The following ARIH1 variants were observed in gnomAD, a reference collection of about 807,000 sequenced individuals.
ARIH1 encodes the protein ariadne RBR E3 ubiquitin protein ligase 1, also known as E3 ubiquitin-protein ligase ARIH1.
ARIH1 carries 8 observed loss-of-function variants against 85.0 expected under a neutral mutation model. The ratio of observed to expected loss-of-function variants is 0.09; its 90% confidence interval spans 0.06 to 0.17. The LOEUF is 0.17. Among genes scored for constraint, ARIH1 ranks in the 10% least tolerant of loss-of-function variants. The probability of loss-of-function intolerance (pLI) is 1.00; values close to 1 mark genes in which losing one functional copy is unlikely to be tolerated. For synonymous variants in ARIH1, 238 were observed against 253.6 expected (o/e 0.94, Z 0.59); for missense variants, 311 against 718.1 (o/e 0.43, Z 6.48).
At chr15:72,503,180 G>A (rs769193967) in intron 1 of ARIH1, among the ~76,000 whole-genome samples, 2 of 152,170 alleles carry the variant, frequency 1.3e-5, no homozygotes, top group Non-Finnish European at 2.9e-5. Flanking sequence ...TAATATATAT[G>A]TGGGAGATTT....
At position 72,587,386 on chromosome 15, in the gene ARIH1, T is replaced by C; in HGVS notation, c.*4094T>C. On this transcript the variant is annotated 3_prime_UTR_variant, in exon 14 of 14. Coordinates refer to ENST00000379887, the MANE Select transcript of ARIH1 (RefSeq NM_005744.5). ...TACTGTTAGAGGTTGCTCTATACTA[T>C]CTCTGATCTTTCATTTGTTGCAGTT... 1 of 379,586 alleles carries C rather than the reference T, an allele frequency of 2.6e-6. No individual in the cohort carries two copies. The highest frequency in any genetic ancestry group is 3.6e-5 in the Admixed American group (1 of 27,936). 23.5% of individuals were successfully genotyped at this position (379,586 alleles called of 1,614,324 possible). A position where few individuals can be genotyped will look rare whatever the true frequency, so the allele number is the denominator to read the frequency against.
chr15:72,570,648 C>T (rs1256575884), intron 10 of ARIH1, among the ~76,000 whole-genome samples: 2 of 152,142 alleles, frequency 1.3e-5, no homozygotes, highest in African/African-American at 4.8e-5. Flanking sequence ...AAATGTGCCT[C>T]TCTAGGCCAA....
In ARIH1 at chr15:72,523,516, G is replaced by GTT. The variant is rs61473982; in HGVS notation, c.443+5395_443+5396dup. 7.7e-3 allele frequency among the ~76,000 whole-genome samples: 1,120 copies of GTT among 146,038 alleles called. 11 individuals carry two copies. The highest frequency in any genetic ancestry group is 0.017 in the African/African-American group (675 of 39,942). ...GGAGGGATGAATAGTCAACAGCACA[G>GTT]TTTTTTTTTTTTTTGGGTGGGTGGG... On this transcript the variant is annotated intron_variant, in intron 2 of 13. Coordinates refer to ENST00000379887, the MANE Select transcript of ARIH1 (RefSeq NM_005744.5).
intron 5 of ARIH1, among the ~76,000 whole-genome samples, chr15:72,560,015 TC>T (rs1344013888): frequency 6.6e-6 from 1 of 152,226 alleles, no homozygotes; most frequent in Non-Finnish European, 1.5e-5. Context: ...AAAGGAGAAT[TC>T]CTGGGTCTTG....
rs2064368344 is a variant in ARIH1 at position 72,597,697 on chromosome 15, C to T, written c.*14405C>T. 1.3e-5 allele frequency: 2 copies of T among 152,198 alleles called. No individual in the cohort carries two copies. Among genetic ancestry groups the T allele is most frequent in the Admixed American group, 1.3e-4 (2 of 15,280 alleles). 9.4% of individuals were successfully genotyped at this position (152,198 alleles called of 1,614,324 possible). A position where few individuals can be genotyped will look rare whatever the true frequency, so the allele number is the denominator to read the frequency against. On this transcript the variant is annotated 3_prime_UTR_variant, in exon 14 of 14. Coordinates refer to ENST00000379887, the MANE Select transcript of ARIH1 (RefSeq NM_005744.5). ...CCACACCTTTAGTGTACTACACCTT[C>T]CTGTACCTGGTTATCATCTAAGGGG...
Position 72,595,808 on chromosome 15 carries a change from G to GTTTTTTTTTTTTTTTTTTTTTCT in ARIH1, c.*12534_*12535insTTTCTTTTTTTTTTTTTTTTTTT, listed in dbSNP as rs59597213. On this transcript the variant is annotated 3_prime_UTR_variant, in exon 14 of 14. Coordinates refer to ENST00000379887, the MANE Select transcript of ARIH1 (RefSeq NM_005744.5). ...TATTGCAGTGTTTTTTGTTTTTTCTGTTTTTTTTTTTTTTTTTTCATCTTT... is the reference window on the plus strand; with the variant it reads ...TATTGCAGTGTTTTTTGTTTTTTCTGTTTTTTTTTTTTTTTTTTTTTCTTTTTTTTTTTTTTTTTTTCATCTTT... 2 of 122,832 alleles carry GTTTTTTTTTTTTTTTTTTTTTCT rather than the reference G, an allele frequency of 1.6e-5. No homozygotes were observed. The highest frequency in any genetic ancestry group is 1.7e-5 in the Non-Finnish European group (1 of 57,682). The allele number at this position is 122,832 out of a possible 1,614,324, so 7.6% of individuals were successfully genotyped here. A position where few individuals can be genotyped will look rare whatever the true frequency, so the allele number is the denominator to read the frequency against.
intron 9 of ARIH1, among the ~76,000 whole-genome samples, chr15:72,568,435 A>G (rs1192979574): frequency 6.6e-6 from 1 of 152,222 alleles, no homozygotes; most frequent in African/African-American, 2.4e-5. Context: ...ATCTAGAGAA[A>G]TTCCTACTTG....
At chr15:72,486,838 C>A (rs991359139) in intron 1 of ARIH1, among the ~76,000 whole-genome samples, 2 of 151,126 alleles carry the variant, frequency 1.3e-5, no homozygotes, top group African/African-American at 2.4e-5. Context: ...AGATTACAGG[C>A]ATGCATCACC....
intron 1 of ARIH1, among the ~76,000 whole-genome samples, chr15:72,496,538 CTG>C (rs746241144): frequency 7.2e-5 from 11 of 152,304 alleles, no homozygotes; most frequent in Middle Eastern, 3.4e-3. Flanking sequence ...CCTGCTGTAT[CTG>C]TAACTGTCAG....
intron 3 of ARIH1, among the ~76,000 whole-genome samples, chr15:72,551,229 A>G (rs1194789540): frequency 6.6e-6 from 1 of 152,246 alleles, no homozygotes; most frequent in Non-Finnish European, 1.5e-5. Flanking sequence ...ATTGCTATGA[A>G]GAAAACTTCA....
chr15:72,592,484 C>T lies in ARIH1; in HGVS notation c.*9192C>T, dbSNP rs1289599938. 1.3e-5 allele frequency: 2 copies of T among 152,182 alleles called. No individual in the cohort carries two copies. Among genetic ancestry groups the T allele is most frequent in the Non-Finnish European group, 2.9e-5 (2 of 68,022 alleles). 9.4% of individuals were successfully genotyped at this position (152,182 alleles called of 1,614,324 possible). A position where few individuals can be genotyped will look rare whatever the true frequency, so the allele number is the denominator to read the frequency against. On this transcript the variant is annotated 3_prime_UTR_variant, in exon 14 of 14. Transcript: ENST00000379887. ...TTAAGTGTGAAGTTTGATGTTTTGA[C>T]AGTTGTATACGTCTGTGTAATAACT...
intron 1 of ARIH1, among the ~76,000 whole-genome samples, chr15:72,500,468 G>T (rs907438259): frequency 2.6e-5 from 4 of 152,126 alleles, no homozygotes; most frequent in African/African-American, 9.7e-5. Context: ...AATCCATTGT[G>T]CTGGATCTTC....
intron 2 of ARIH1, among the ~76,000 whole-genome samples, chr15:72,529,725 ATATGGGAACCTGGGT>A (rs1369341415): frequency 1.3e-5 from 2 of 152,150 alleles, no homozygotes; most frequent in East Asian, 3.8e-4. Flanking sequence ...GGCAGAAGTG[ATATGGGAACCTGGGT>A]ATTTAAGGCT....
rs866419967 is a variant in ARIH1 at position 72,504,042 on chromosome 15, G to A, written c.376-14025G>A. Among the ~76,000 whole-genome samples, 10 of 152,292 alleles carry A rather than the reference G, an allele frequency of 6.6e-5. No homozygotes were observed. In the Middle Eastern group the frequency reaches 0.01, roughly 155 times the overall value. Reference sequence around the variant, plus strand: ...CCACTAGTGAGGGCAAAGGGCCAGTGTGATAGCCTTTATTTATTTATTTAT... The same window carrying A: ...CCACTAGTGAGGGCAAAGGGCCAGTATGATAGCCTTTATTTATTTATTTAT... On this transcript the variant is annotated intron_variant, in intron 1 of 13. Transcript: ENST00000379887.
chr15:72,556,514 T>C (rs1034756005), intron 5 of ARIH1, among the ~76,000 whole-genome samples: 3 of 152,222 alleles, frequency 2.0e-5, no homozygotes, highest in Admixed American at 6.5e-5. Flanking sequence ...TGATTTCAGA[T>C]ACACTACAGC....
At chr15:72,529,338 G>T (rs1407616159) in intron 2 of ARIH1, among the ~76,000 whole-genome samples, 3 of 152,210 alleles carry the variant, frequency 2.0e-5, no homozygotes, top group Middle Eastern at 3.2e-3. Context: ...GAACTCCGGG[G>T]CTCAAACTGA....
intron 11 of ARIH1, among the ~76,000 whole-genome samples, chr15:72,575,449 C>T (rs182886725): frequency 2.0e-4 from 29 of 147,882 alleles, no homozygotes; most frequent in African/African-American, 5.2e-4. Flanking sequence ...TGGTAGTGCA[C>T]GCTGGCTGAG....
At chr15:72,516,900 T>G (rs1393688776) in intron 1 of ARIH1, among the ~76,000 whole-genome samples, 1 of 152,152 alleles carries the variant, frequency 6.6e-6, no homozygotes, top group Non-Finnish European at 1.5e-5. Context: ...ATATATGAGA[T>G]AAAAATAAGC....
intron 7 of ARIH1, among the ~76,000 whole-genome samples, 173 bp downstream of exon 7, chr15:72,563,673 T>TA (rs2064206634): frequency 6.6e-6 from 1 of 152,178 alleles, no homozygotes. Context: ...GGTCACATCT[T>TA]AAAAAAATTT....
Sources: allele counts gnomAD v4.1 joint callset (sites outside exome capture counted in the v4.1 genomes callset), GRCh38; gene constraint gnomAD v4.1.1; transcripts MANE v1.5; gene names NCBI Gene and HGNC (gene_info 2026-07-23, HGNC 2026-07-21).